CPNE8: variants seen among roughly 807,000 people sequenced by gnomAD.
CPNE8 encodes copine-8.
A neutral mutation model predicts 81.5 loss-of-function variants in CPNE8; 45 were observed. The ratio of observed to expected loss-of-function variants is 0.55; its 90% CI spans 0.44 to 0.71. The LOEUF (loss-of-function observed/expected upper bound fraction) is 0.71. Ranked by LOEUF, CPNE8 falls within the 30% of genes least tolerant of loss-of-function variation. CPNE8 has a pLI of 0.00. For missense variants in CPNE8, 594 were observed against 672.1 expected (o/e 0.88, Z 1.28); for synonymous variants, 252 against 226.3 (o/e 1.11, Z -1.02).
chr12:38,899,799 G>A (rs1944434251), intron 1 of CPNE8, among the ~76,000 whole-genome samples: 1 of 152,116 alleles, frequency 6.6e-6, no homozygotes. Context: ...AAAAGGGTAA[G>A]TCAAACACTG....
chr12:38,773,884 A>G (rs1941863620), intron 7 of CPNE8, among the ~76,000 whole-genome samples: 1 of 152,132 alleles, frequency 6.6e-6, no homozygotes, highest in Non-Finnish European at 1.5e-5. Context: ...GCTGATGATC[A>G]ATAAGGCTAT....
At chr12:38,902,372 GAAAGAAAGA>G (rs1944494362) in intron 1 of CPNE8, among the ~76,000 whole-genome samples, 10 of 75,912 alleles carry the variant, frequency 1.3e-4, no homozygotes, top group African/African-American at 6.9e-4. Context: ...AAGAAAGAAA[GAAAGAAAGA>G]AAAGAAAGAA....
chr12:38,748,018 ATTTT>A (rs894852412), intron 10 of CPNE8, among the ~76,000 whole-genome samples: 1 of 151,666 alleles, frequency 6.6e-6, no homozygotes, highest in African/African-American at 2.4e-5. Context: ...TTATTTATTT[ATTTT>A]TTTTATTTGA....
intron 13 of CPNE8, among the ~76,000 whole-genome samples, chr12:38,722,168 T>A (rs979209521): frequency 1.3e-5 from 2 of 151,942 alleles, no homozygotes; most frequent in African/African-American, 4.8e-5. Flanking sequence ...TACTAAGGAG[T>A]TTTTACAGGA....
At chr12:38,736,972 A>G (rs1252427657) in intron 10 of CPNE8, among the ~76,000 whole-genome samples, 1 of 152,038 alleles carries the variant, frequency 6.6e-6, no homozygotes, top group African/African-American at 2.4e-5. Context: ...TACTTATGTA[A>G]CTCACATACT....
intron 1 of CPNE8, among the ~76,000 whole-genome samples, chr12:38,903,328 A>AT (rs56748675): frequency 9.9e-5 from 15 of 151,690 alleles, no homozygotes; most frequent in African/African-American, 2.7e-4. Flanking sequence ...CTCTTTCAGG[A>AT]TTTTTTTTTC....
chr12:38,702,915 T>C lies in CPNE8; in HGVS notation c.921A>G (p.Gln307=), dbSNP rs574389197. ...AATCAATAGCCACTGTGAAATTGAT[T>C]TGCGTCCTGGAATAGAAGTAAACAA... is the stretch of plus-strand genomic sequence containing the variant. ...SFLDYIKGGT[Q]INFTVAIDFT... Residue 307 remains glutamine (Q), a synonymous_variant, in exon 14 of 20, where the codon CAA becomes CAG. Coordinates refer to ENST00000331366, the MANE Select transcript of CPNE8 (RefSeq NM_153634.3). 2 of 1,583,612 alleles carry C rather than the reference T, an allele frequency of 1.3e-6. No homozygotes were observed. The highest frequency in any genetic ancestry group is 8.6e-7 in the Non-Finnish European group (1 of 1,162,432).
chr12:38,800,997 T>C (rs1037387082), intron 6 of CPNE8, among the ~76,000 whole-genome samples: 1 of 150,216 alleles, frequency 6.7e-6, no homozygotes, highest in African/African-American at 2.5e-5. Context: ...CCAAGAAATA[T>C]GGGACTACGT....
chr12:38,839,263 C>CCTTCCA (rs1943430948), intron 5 of CPNE8, among the ~76,000 whole-genome samples: 4 of 151,528 alleles, frequency 2.6e-5, no homozygotes, highest in African/African-American at 9.7e-5. Context: ...CCTCCCTTCC[C>CCTTCCA]ATCTACACTT....
rs113410931 is a variant in CPNE8, at chr12:38,674,722, A to G, written c.1432+995T>C. ...ATTAGAATTTAGGGATTCCAGGGTC[A>G]GCAATACAACTTGCCTGTGGTGCTT... is the stretch of plus-strand genomic sequence containing the variant. On this transcript the variant is annotated intron_variant, in intron 18 of 19. Transcript: ENST00000331366. 1.7e-3 allele frequency among the ~76,000 whole-genome samples: 262 copies of G among 152,340 alleles called. 1 individual carries two copies. Among genetic ancestry groups the G allele is most frequent in the African/African-American group, 6.0e-3 (250 of 41,582 alleles).
intron 1 of CPNE8, among the ~76,000 whole-genome samples, chr12:38,904,288 G>A (rs561540902): frequency 2.1e-4 from 32 of 152,168 alleles, no homozygotes; most frequent in African/African-American, 7.7e-4. Flanking sequence ...GGGCTCCAGG[G>A]TCAATATTAA....
intron 1 of CPNE8, 91 bp from the exon 2 acceptor site, chr12:38,874,602 T>G (rs1944041280): frequency 1.3e-6 from 1 of 745,660 alleles, no homozygotes; most frequent in Non-Finnish European, 2.2e-6. Context: ...TACATAATTG[T>G]GTATATATAT....
chr12:38,802,641 C>A (rs948236934), intron 6 of CPNE8, among the ~76,000 whole-genome samples: 7 of 150,816 alleles, frequency 4.6e-5, no homozygotes, highest in Admixed American at 2.6e-4. Context: ...TGGCAGAAGG[C>A]AAGAAATAAC....
intron 6 of CPNE8, among the ~76,000 whole-genome samples, chr12:38,793,683 C>T (rs1942383151): frequency 6.6e-6 from 1 of 151,650 alleles, no homozygotes; most frequent in Non-Finnish European, 1.5e-5. Flanking sequence ...ACCAAAATGC[C>T]AATGGCATTT....
At chr12:38,850,513 C>A (rs1031257312) in intron 3 of CPNE8, among the ~76,000 whole-genome samples, 1 of 152,112 alleles carries the variant, frequency 6.6e-6, no homozygotes, top group Non-Finnish European at 1.5e-5. Flanking sequence ...TAATTTGTAG[C>A]CATTAAAATC....
At chr12:38,688,125 A>G (rs1271916639) in intron 15 of CPNE8, among the ~76,000 whole-genome samples, 2 of 152,178 alleles carry the variant, frequency 1.3e-5, no homozygotes, top group Non-Finnish European at 2.9e-5. Context: ...GGTAGTCCTG[A>G]GCTACTTTTA....
At chr12:38,783,551 A>AT (rs1942101073) in intron 6 of CPNE8, among the ~76,000 whole-genome samples, 1 of 152,116 alleles carries the variant, frequency 6.6e-6, no homozygotes, top group Non-Finnish European at 1.5e-5. Context: ...AACTCAGCTG[A>AT]TGCCCACCCA....
chr12:38,769,495 T>C (rs906139271), intron 7 of CPNE8, among the ~76,000 whole-genome samples: 1 of 152,152 alleles, frequency 6.6e-6, no homozygotes, highest in Non-Finnish European at 1.5e-5. Flanking sequence ...AGGCGAGCTG[T>C]TTGGTTTAGT....
At chr12:38,691,219 C>G (rs1939668000) in intron 15 of CPNE8, among the ~76,000 whole-genome samples, 1 of 152,128 alleles carries the variant, frequency 6.6e-6, no homozygotes, top group South Asian at 2.1e-4. Flanking sequence ...TAAAATAAGA[C>G]TGACCTGGGT....
Sources: gnomAD v4.1 joint callset for allele counts (sites outside exome capture counted in the v4.1 genomes callset) on GRCh38, gnomAD v4.1.1 for gene constraint, MANE v1.5 for transcripts, NCBI Gene and HGNC (gene_info 2026-07-23, HGNC 2026-07-21) for gene names.